VRK2: variants seen among roughly 807,000 people sequenced by gnomAD.
VRK2 encodes VRK serine/threonine kinase 2.
Under a neutral mutation model 57.6 loss-of-function variants are expected in VRK2, and 60 were observed. The ratio of observed to expected loss-of-function variants is 1.04; its 90% CI spans 0.85 to 1.29. The LOEUF (loss-of-function observed/expected upper bound fraction) is 1.29, where lower values mean the gene tolerates loss of function less well. Ranked by LOEUF, VRK2 falls within the 50% of genes most tolerant of loss-of-function variation. VRK2 has a pLI of 0.00. For synonymous variants in VRK2, 231 were observed against 199.2 expected (o/e 1.16, Z -1.35); for missense variants, 705 against 588.1 (o/e 1.20, Z -2.06).
intron 1 of VRK2, among the ~76,000 whole-genome samples, chr2:57,948,235 C>T (rs540715276): frequency 6.6e-6 from 1 of 152,310 alleles, no homozygotes; most frequent in South Asian, 2.1e-4. Flanking sequence ...AAAGATCCAG[C>T]ATTAGGAAAG....
At chr2:58,119,802 T>A (rs1677147719) in intron 7 of VRK2, among the ~76,000 whole-genome samples, 1 of 151,674 alleles carries the variant, frequency 6.6e-6, no homozygotes, top group Admixed American at 6.6e-5. Flanking sequence ...TGTATAAATA[T>A]TTTGAACCGT....
intron 1 of VRK2, among the ~76,000 whole-genome samples, chr2:58,010,458 T>C (rs550643922): frequency 6.6e-6 from 1 of 152,280 alleles, no homozygotes; most frequent in African/African-American, 2.4e-5. Context: ...CAAGGGTTAG[T>C]GTCCCCTACT....
chr2:57,972,350 C>A (rs1236726542), intron 1 of VRK2, among the ~76,000 whole-genome samples: 1 of 151,792 alleles, frequency 6.6e-6, no homozygotes, highest in African/African-American at 2.4e-5. Context: ...AAAATCTACA[C>A]CTCTCTTACC....
At chr2:58,048,515 G>A (rs779530103) in intron 1 of VRK2, 33 of 1,248,818 alleles carry the variant, frequency 2.6e-5, no homozygotes, top group Admixed American at 9.1e-5. Context: ...TGTTAATTTC[G>A]TGTTTCTTAA....
Position 58,146,436 on chromosome 2 carries a change from G to A in VRK2, c.1144G>A (p.Glu382Lys), listed in dbSNP as rs1429658189. 21 of 1,611,430 alleles carry A rather than the reference G, an allele frequency of 1.3e-5. No homozygotes were observed. The highest frequency in any genetic ancestry group is 1.7e-5 in the Non-Finnish European group (20 of 1,178,218). Residue 382 changes from glutamate to lysine, a missense_variant, in exon 12 of 13, where the codon GAG becomes AAG. By Grantham distance (56) the Glu-to-Lys change is moderately conservative. Coordinates refer to ENST00000340157, the MANE Select transcript of VRK2 (RefSeq NM_006296.7). ...SCATWKVQKE[E>K]KLIGLMNNEA... ...TGCAACATGGAAAGTGCAGAAAGAG[G>A]AGAAACTGATTGGATTGATGAACAA...
At chr2:58,065,415 G>C (rs898879542) in intron 2 of VRK2, among the ~76,000 whole-genome samples, 9 of 151,996 alleles carry the variant, frequency 5.9e-5, no homozygotes, top group Non-Finnish European at 8.8e-5. Flanking sequence ...TTTCCACTTA[G>C]TGTAATGCCT....
chr2:58,006,800 G>A (rs1049136466), intron 1 of VRK2, among the ~76,000 whole-genome samples: 3 of 152,120 alleles, frequency 2.0e-5, no homozygotes, highest in Non-Finnish European at 2.9e-5. Context: ...AAACAGAAAG[G>A]AAGCCTACTA....
At chr2:58,073,657 T>C (rs951996128) in intron 2 of VRK2, among the ~76,000 whole-genome samples, 3 of 143,930 alleles carry the variant, frequency 2.1e-5, no homozygotes. Flanking sequence ...TATATATTTA[T>C]ATTTATATTT....
rs1032653505 is a variant in VRK2 at position 58,089,554 on chromosome 2, T to A, written c.451-77T>A. ...TGTTAATATGAAAAAACCCATGTTATTCTATATTCAAAATGTTGAAATTGA... is the reference window on the plus strand; with the variant it reads ...TGTTAATATGAAAAAACCCATGTTAATCTATATTCAAAATGTTGAAATTGA... On this transcript the variant is annotated intron_variant, in intron 6 of 12. Coordinates refer to ENST00000340157, the MANE Select transcript of VRK2 (RefSeq NM_006296.7). 4 of 856,514 alleles carry A rather than the reference T, an allele frequency of 4.7e-6. No individual in the cohort carries two copies. The East Asian group carries it at 1.1e-4, about 23-fold the overall frequency. The allele number at this position is 856,514 out of a possible 1,614,324, so 53.1% of individuals were successfully genotyped here. A position where few individuals can be genotyped will look rare whatever the true frequency, so the allele number is the denominator to read the frequency against.
At position 58,154,876 on chromosome 2, in the gene VRK2, A is replaced by G. The variant is rs1683560735; in HGVS notation, c.1183-4473A>G. On this transcript the variant is annotated intron_variant, in intron 12 of 12. Transcript: ENST00000340157. ...ATCCTGTAAATATTTATACATTTCA[A>G]TTTTGTTCACTTCAAAATATATTTC... is the stretch of plus-strand genomic sequence containing the variant. 12 of 616,120 alleles carry G rather than the reference A, an allele frequency of 1.9e-5. 1 individual carries two copies. The South Asian group carries it at 2.3e-4, about 12-fold the overall frequency. The allele number at this position is 616,120 out of a possible 1,614,324, so 38.2% of individuals were successfully genotyped here. A position where few individuals can be genotyped will look rare whatever the true frequency, so the allele number is the denominator to read the frequency against.
intron 8 of VRK2, among the ~76,000 whole-genome samples, chr2:58,129,360 C>T (rs1678826138): frequency 6.6e-6 from 1 of 152,020 alleles, no homozygotes. Flanking sequence ...AAATACATTG[C>T]ACAGTATCAT....
At chr2:58,123,021 C>G in intron 7 of VRK2, 80 bp from the exon 8 acceptor site, 1 of 1,496,124 alleles carries the variant, frequency 6.7e-7, no homozygotes, top group East Asian at 2.5e-5. Context: ...CTTAACCTAT[C>G]AGTTTCTTAA....
chr2:58,016,855 C>A (rs1673599188), intron 1 of VRK2, among the ~76,000 whole-genome samples: 1 of 152,142 alleles, frequency 6.6e-6, no homozygotes, highest in Admixed American at 6.5e-5. Flanking sequence ...TACCTCCTCA[C>A]AATAGTTTTC....
At chr2:58,031,802 C>T (rs959861526) in intron 2 of VRK2, among the ~76,000 whole-genome samples, 2 of 152,000 alleles carry the variant, frequency 1.3e-5, no homozygotes, top group Non-Finnish European at 2.9e-5. Flanking sequence ...AGATGTGGAA[C>T]ACGGACTTTT....
chr2:58,147,807 T>C (rs1682391616), intron 12 of VRK2, among the ~76,000 whole-genome samples: 2 of 151,656 alleles, frequency 1.3e-5, no homozygotes, highest in Non-Finnish European at 3.0e-5. Flanking sequence ...AGTGTTTTTT[T>C]TTTTTTTTTG....
chr2:58,028,915 T>A (rs866946061), intron 2 of VRK2, among the ~76,000 whole-genome samples: 27 of 114,872 alleles, frequency 2.4e-4, no homozygotes, highest in African/African-American at 1.1e-3. Context: ...TATATATATA[T>A]ATATATATAT....
chr2:58,048,886 A>G lies in VRK2; in HGVS notation c.55A>G (p.Lys19Glu), dbSNP rs2103774175. The G allele has an allele frequency of 6.2e-7, 1 of 1,614,034 alleles. No individual in the cohort carries two copies. Among genetic ancestry groups the G allele is most frequent in the East Asian group, 2.2e-5 (1 of 44,852 alleles). ...YKLPIPFPEG[K>E]VLDDMEGNQW... Reference sequence around the variant, plus strand: ...ACTTCCTATTCCATTTCCAGAAGGCAAGGTTCTGGATGATATGGAAGGCAA... The same window carrying G: ...ACTTCCTATTCCATTTCCAGAAGGCGAGGTTCTGGATGATATGGAAGGCAA... Residue 19 changes from lysine (K) to glutamate (E), a missense_variant, in exon 2 of 13, where the codon AAG becomes GAG. Physicochemically the swap from Lys to Glu is moderately conservative, Grantham distance 56 (BLOSUM62 1). Coordinates refer to ENST00000340157, the MANE Select transcript of VRK2 (RefSeq NM_006296.7).
intron 2 of VRK2, among the ~76,000 whole-genome samples, chr2:58,062,013 C>T (rs959800042): frequency 2.0e-5 from 3 of 152,038 alleles, no homozygotes; most frequent in African/African-American, 7.2e-5. Flanking sequence ...TGTTTTTTTA[C>T]ACACTGAAGG....
At chr2:58,135,240 A>T in intron 10 of VRK2, 41 bp downstream of exon 10, 1 of 1,609,882 alleles carries the variant, frequency 6.2e-7, no homozygotes, top group Non-Finnish European at 8.5e-7. Flanking sequence ...TACGATTTAC[A>T]GGTTGCCACA....
Sources: allele counts gnomAD v4.1 joint callset (sites outside exome capture counted in the v4.1 genomes callset), GRCh38; gene constraint gnomAD v4.1.1; transcripts MANE v1.5; gene names NCBI Gene and HGNC (gene_info 2026-07-23, HGNC 2026-07-21).